SPON1: variants seen among roughly 807,000 people sequenced by gnomAD.
The protein encoded by SPON1 is spondin 1.
Under a neutral mutation model 111.7 loss-of-function variants are expected in SPON1, and 52 were observed. That is an observed-to-expected ratio of 0.47 (90% confidence interval 0.37 to 0.59). The LOEUF (loss-of-function observed/expected upper bound fraction) is 0.59, where lower values mean the gene tolerates loss of function less well. Among genes scored for constraint, SPON1 ranks in the 20% least tolerant of loss-of-function variants. The probability of loss-of-function intolerance (pLI) is 0.00; values close to 1 mark genes in which losing one functional copy is unlikely to be tolerated. For missense variants in SPON1, 957 were observed against 1,068.5 expected (o/e 0.90, Z 1.46); for synonymous variants, 410 against 395.8 (o/e 1.04, Z -0.43).
intron 5 of SPON1, among the ~76,000 whole-genome samples, chr11:14,115,242 G>A (rs931607968): frequency 7.2e-5 from 11 of 152,150 alleles, no homozygotes; most frequent in South Asian, 4.1e-4. Flanking sequence ...TGCTTCTGCC[G>A]TCACTCAGTT....
intron 3 of SPON1, among the ~76,000 whole-genome samples, chr11:14,050,667 G>C (rs1848701146): frequency 6.6e-6 from 1 of 152,126 alleles, no homozygotes; most frequent in African/African-American, 2.4e-5. Context: ...AAGAGTGAAG[G>C]GTGGGGGTGG....
intron 2 of SPON1, among the ~76,000 whole-genome samples, chr11:13,994,543 A>G (rs1337047718): frequency 6.6e-6 from 1 of 152,206 alleles, no homozygotes; most frequent in Non-Finnish European, 1.5e-5. Flanking sequence ...ATATGAGATC[A>G]GGACTGGGAA....
intron 6 of SPON1, among the ~76,000 whole-genome samples, chr11:14,223,514 T>C (rs1848703669): frequency 6.6e-6 from 1 of 152,232 alleles, no homozygotes; most frequent in Admixed American, 6.5e-5. Flanking sequence ...TCACCATAAA[T>C]GGGGTCAATT....
At chr11:14,099,817 G>A (rs1292448846) in intron 5 of SPON1, among the ~76,000 whole-genome samples, 1 of 152,136 alleles carries the variant, frequency 6.6e-6, no homozygotes, top group African/African-American at 2.4e-5. Context: ...GGCCTCAGGA[G>A]GCTACAATCA....
intron 6 of SPON1, among the ~76,000 whole-genome samples, chr11:14,182,857 A>G (rs1848249225): frequency 6.6e-6 from 1 of 152,178 alleles, no homozygotes; most frequent in Non-Finnish European, 1.5e-5. Context: ...CCAAGTGGAC[A>G]ATGAGACTGT....
At chr11:13,997,741 T>A (rs975058859) in intron 2 of SPON1, among the ~76,000 whole-genome samples, 5 of 152,198 alleles carry the variant, frequency 3.3e-5, no homozygotes, top group East Asian at 1.9e-4. Flanking sequence ...GGGATCGCTG[T>A]AAAATAAAAT....
intron 5 of SPON1, among the ~76,000 whole-genome samples, chr11:14,091,330 T>C (rs1849054323): frequency 1.3e-5 from 2 of 152,298 alleles, no homozygotes; most frequent in South Asian, 2.1e-4. Context: ...AGCGCTGGCA[T>C]TCCTCAGCCC....
chr11:14,040,056 A>G (rs1445977440), intron 2 of SPON1, among the ~76,000 whole-genome samples: 5 of 152,230 alleles, frequency 3.3e-5, no homozygotes, highest in African/African-American at 1.2e-4. Flanking sequence ...TAGGAACACT[A>G]GTACATGGCT....
intron 6 of SPON1, among the ~76,000 whole-genome samples, chr11:14,186,857 T>G (rs1420581296): frequency 6.6e-6 from 1 of 152,234 alleles, no homozygotes; most frequent in Non-Finnish European, 1.5e-5. Flanking sequence ...AGTAATCCTG[T>G]GAAGTGAAAT....
chr11:14,232,969 C>T (rs1848819281), intron 6 of SPON1, among the ~76,000 whole-genome samples: 1 of 152,022 alleles, frequency 6.6e-6, no homozygotes, highest in Non-Finnish European at 1.5e-5. Context: ...TGAAGAGGCC[C>T]TGGGCAGGTC....
intron 6 of SPON1, among the ~76,000 whole-genome samples, chr11:14,225,601 T>C (rs1848730647): frequency 1.3e-5 from 2 of 152,250 alleles, no homozygotes; most frequent in Admixed American, 1.3e-4. Flanking sequence ...TCGTCGTTTT[T>C]ATTGTTACAG....
intron 2 of SPON1, among the ~76,000 whole-genome samples, chr11:14,028,354 C>T (rs770248792): frequency 2.6e-5 from 4 of 151,760 alleles, no homozygotes; most frequent in South Asian, 2.1e-4. Context: ...GGCATGGTGG[C>T]GTGTGCCTGT....
At chr11:14,256,580 T>C in intron 9 of SPON1, 37 bp from the exon 10 acceptor site, 1 of 1,445,696 alleles carries the variant, frequency 6.9e-7, no homozygotes, top group South Asian at 1.2e-5. Context: ...CCCTTCTTTC[T>C]CTCATGTGAG....
At chr11:14,090,528 G>A (rs1849042234) in intron 5 of SPON1, among the ~76,000 whole-genome samples, 1 of 152,034 alleles carries the variant, frequency 6.6e-6, no homozygotes. Flanking sequence ...TGGTGGGTTC[G>A]TGGTCTCATT....
At chr11:13,982,115 T>C (rs990567599) in intron 1 of SPON1, among the ~76,000 whole-genome samples, 1 of 152,212 alleles carries the variant, frequency 6.6e-6, no homozygotes, top group African/African-American at 2.4e-5. Context: ...TTGTGTCTTA[T>C]TAGTTATTGT....
chr11:13,994,685 T>C (rs1236704881), intron 2 of SPON1, among the ~76,000 whole-genome samples: 1 of 152,174 alleles, frequency 6.6e-6, no homozygotes, highest in East Asian at 1.9e-4. Flanking sequence ...GATGAGAGAT[T>C]TGGATTTATG....
intron 5 of SPON1, among the ~76,000 whole-genome samples, chr11:14,081,897 A>C (rs924947628): frequency 1.2e-4 from 18 of 152,120 alleles, no homozygotes; most frequent in African/African-American, 3.9e-4. Flanking sequence ...CATGCAATCA[A>C]GGCTTGGGAT....
intron 2 of SPON1, among the ~76,000 whole-genome samples, chr11:13,998,964 T>C (rs1399634318): frequency 6.6e-6 from 1 of 152,240 alleles, no homozygotes; most frequent in Non-Finnish European, 1.5e-5. Context: ...TAAGTTCCTG[T>C]GGCCTTGCAA....
chr11:14,263,092 T>A (rs1323702400), intron 15 of SPON1, 117 bp downstream of exon 15: 1 of 1,062,428 alleles, frequency 9.4e-7, no homozygotes, highest in Non-Finnish European at 1.3e-6. Context: ...AGAGTCTGCA[T>A]CTTCTGGAGT....
Sources: gnomAD v4.1 joint callset for allele counts (sites outside exome capture counted in the v4.1 genomes callset) on GRCh38, gnomAD v4.1.1 for gene constraint, MANE v1.5 for transcripts, NCBI Gene and HGNC (gene_info 2026-07-23, HGNC 2026-07-21) for gene names.